Variants in ELK1 observed in about 807,000 individuals in gnomAD.
The protein encoded by ELK1 is ETS domain-containing protein Elk-1.
For synonymous variants in ELK1, 163 were observed against 176.3 expected (o/e 0.92, Z 0.60); for missense variants, 254 against 381.5 (o/e 0.67, Z 2.78).
At chrX:47,639,374 G>A in intron 3 of ELK1, 36 bp from the exon 4 acceptor site, 1 of 1,101,054 alleles carries the variant, frequency 9.1e-7, no homozygotes, top group Non-Finnish European at 1.2e-6. Context: ...GGCCTTAGAG[G>A]AAAGGGGCAG....
intron 2 of ELK1, among the ~76,000 whole-genome samples, chrX:47,645,723 C>T (rs1445343319): frequency 8.9e-6 from 1 of 112,308 alleles, no homozygotes; most frequent in East Asian, 2.8e-4. Context: ...ACAGTTCCAA[C>T]CTCTGAGGGT....
rs1316672359 is a variant in ELK1, at chrX:47,636,067, A to T, written c.*762T>A. The T allele has an allele frequency of 9.0e-6, 1 of 111,502 alleles. No individual in the cohort carries two copies. Among genetic ancestry groups the T allele is most frequent in the Non-Finnish European group, 1.9e-5 (1 of 52,960 alleles). The allele number at this position is 111,502 out of a possible 1,213,427, so 9.2% of individuals were successfully genotyped here. ...GGAGTACTGGCTGGAGGGGCCCCCC[A>T]GACGGGGACCACCCCCCAAAAAAAC... On this transcript the variant is annotated 3_prime_UTR_variant, in exon 7 of 7. Coordinates refer to ENST00000376983, the MANE Select transcript of ELK1 (RefSeq NM_001114123.3).
chrX:47,641,774 C>T (rs1487406552), intron 2 of ELK1, among the ~76,000 whole-genome samples: 1 of 112,153 alleles, frequency 8.9e-6, no homozygotes, highest in Non-Finnish European at 1.9e-5. Flanking sequence ...CAACCCTGCT[C>T]CGCATCCTAA....
At chrX:47,644,404 G>A (rs747523969) in intron 2 of ELK1, among the ~76,000 whole-genome samples, 1 of 111,490 alleles carries the variant, frequency 9.0e-6, no homozygotes, top group Admixed American at 9.6e-5. Flanking sequence ...GGATACAGTC[G>A]AGAACGCAAC....
At chrX:47,646,592 T>C (rs1165245727) in intron 2 of ELK1, among the ~76,000 whole-genome samples, 1 of 112,785 alleles carries the variant, frequency 8.9e-6, no homozygotes, top group African/African-American at 3.2e-5. Flanking sequence ...AAAATCCTTA[T>C]TCATATATAA....
chrX:47,646,856 C>T (rs775530061), intron 2 of ELK1, among the ~76,000 whole-genome samples: 36 of 111,989 alleles, frequency 3.2e-4, no homozygotes, highest in African/African-American at 1.1e-3. Flanking sequence ...TACCCTTCCC[C>T]GCACTCTGCT....
At chrX:47,648,263 C>T (rs2058049622) in intron 2 of ELK1, among the ~76,000 whole-genome samples, 1 of 111,463 alleles carries the variant, frequency 9.0e-6, no homozygotes, top group South Asian at 3.7e-4. Context: ...CCCCTGTGCC[C>T]AGCTACACAC....
chrX:47,647,214 T>A (rs2058046508), intron 2 of ELK1, among the ~76,000 whole-genome samples: 2 of 100,110 alleles, frequency 2.0e-5, no homozygotes, highest in Admixed American at 1.1e-4. Context: ...CATGCTGGAG[T>A]GCATGGTGCA....
rs2229088 is a variant in ELK1 at position 47,638,165 on chromosome X, G to A, written c.672C>T (p.Pro224=). The A allele has an allele frequency of 8.3e-7, 1 of 1,209,082 alleles. No individual in the cohort carries two copies. Reference sequence around the variant, plus strand: ...CTTCCGATTTCAGGTTTGGGGCCTCGGGCGGGGTCAGGATGACCTGGTAGA... The same window carrying A: ...CTTCCGATTTCAGGTTTGGGGCCTCAGGCGGGGTCAGGATGACCTGGTAGA... ...GLPLQVILTP[P]EAPNLKSEEL... Residue 224 remains proline, a synonymous_variant, in exon 5 of 7, where the codon CCC becomes CCT. Coordinates refer to ENST00000376983, the MANE Select transcript of ELK1 (RefSeq NM_001114123.3).
At chrX:47,647,160 G>GT (rs34192257) in intron 2 of ELK1, among the ~76,000 whole-genome samples, 1,132 of 80,996 alleles carry the variant, frequency 0.014, 25 homozygotes, top group African/African-American at 0.037. Flanking sequence ...CCCAGCTTGG[G>GT]TTTTTTTTTT....
At chrX:47,641,527 G>T in intron 2 of ELK1, 52 bp from the exon 3 acceptor site, 2 of 921,658 alleles carry the variant, frequency 2.2e-6, no homozygotes, top group Non-Finnish European at 1.5e-6. Context: ...AGGGGCAGAG[G>T]TCAGCGGGAG....
chrX:47,638,298 C>A (rs1286553543), intron 4 of ELK1, 116 bp from the exon 5 acceptor site: 5 of 916,154 alleles, frequency 5.5e-6, no homozygotes, highest in Non-Finnish European at 6.1e-6. Flanking sequence ...CAGGGCATGA[C>A]TGCACATCAG....
chrX:47,643,708 AT>A (rs5902398), intron 2 of ELK1, among the ~76,000 whole-genome samples: 11,809 of 104,813 alleles, frequency 0.11, 1,568 homozygotes, highest in African/African-American at 0.37. Context: ...CTGTACTGTT[AT>A]TTTTTTTTTT....
chrX:47,649,045 T>A (rs1053695224), intron 2 of ELK1: 1 of 111,409 alleles, frequency 9.0e-6, no homozygotes, highest in Non-Finnish European at 1.9e-5. Flanking sequence ...GTGTCCTGAG[T>A]ACTTCCTGGG....
At chrX:47,640,199 G>A (rs1388654900) in intron 3 of ELK1, among the ~76,000 whole-genome samples, 4 of 111,666 alleles carry the variant, frequency 3.6e-5, no homozygotes, top group African/African-American at 6.5e-5. Context: ...ATGACCTAGT[G>A]TTCCCAGAGG....
At chrX:47,643,439 G>A (rs2058034352) in intron 2 of ELK1, among the ~76,000 whole-genome samples, 1 of 111,753 alleles carries the variant, frequency 8.9e-6, no homozygotes, top group Admixed American at 9.5e-5. Context: ...TGCTCTAAGG[G>A]CAGAAAGCTT....
chrX:47,638,068 A>G lies in ELK1; in HGVS notation c.769T>C (p.Leu257=). ...AACCCTCTCTCCCCCGCAACTTCCAACTCTTCCTTGGGCCCTTCTACTTTC... is the reference window on the plus strand; with the variant it reads ...AACCCTCTCTCCCCCGCAACTTCCAGCTCTTCCTTGGGCCCTTCTACTTTC... ...EVKVEGPKEE[L]EVAGERGFVP... Residue 257 remains leucine (L), a synonymous_variant, in exon 5 of 7, where the codon TTG becomes CTG. Transcript: ENST00000376983. 1 of 1,207,816 alleles carries G rather than the reference A, an allele frequency of 8.3e-7. No homozygotes were observed. Among genetic ancestry groups the G allele is most frequent in the Non-Finnish European group, 1.1e-6 (1 of 894,368 alleles).
chrX:47,640,963 G>A (rs997686778), intron 3 of ELK1, among the ~76,000 whole-genome samples: 1 of 111,328 alleles, frequency 9.0e-6, no homozygotes, highest in Admixed American at 9.5e-5. Context: ...GTGCATGGCA[G>A]GGCAGCATCA....
chrX:47,641,489 A>G lies in ELK1; in HGVS notation c.-34-14T>C, dbSNP rs759964281. 4 of 1,151,563 alleles carry G rather than the reference A, an allele frequency of 3.5e-6. No homozygotes were observed. The highest frequency in any genetic ancestry group is 4.7e-6 in the Non-Finnish European group (4 of 852,302). 94.9% of individuals were successfully genotyped at this position (1,151,563 alleles called of 1,213,427 possible). A position where few individuals can be genotyped will look rare whatever the true frequency, so the allele number is the denominator to read the frequency against. On this transcript the variant is annotated splice_polypyrimidine_tract_variant and intron_variant, in intron 2 of 6. Transcript: ENST00000376983. ...TCCCAGGGGTACCTGGAGAGCAAAC[A>G]GCTGAGTTGAGAGGCTGTGGACATA...
Sources: allele counts gnomAD v4.1 joint callset (sites outside exome capture counted in the v4.1 genomes callset), GRCh38; gene constraint gnomAD v4.1.1; transcripts MANE v1.5; gene names NCBI Gene and HGNC (gene_info 2026-07-23, HGNC 2026-07-21).